The following TCF7 variants were observed in gnomAD, a reference collection of about 807,000 sequenced individuals.
TCF7 encodes the protein T-cell-factor-7.
Under a neutral mutation model 46.8 loss-of-function variants are expected in TCF7, and 19 were observed. The ratio of observed to expected loss-of-function variants is 0.41; its 90% CI spans 0.28 to 0.60. The LOEUF (loss-of-function observed/expected upper bound fraction) is 0.60. TCF7 is among the 20% of genes least tolerant of loss of function. The pLI, the probability that TCF7 is intolerant of heterozygous loss-of-function variation, is 0.35. For synonymous variants in TCF7, 245 were observed against 213.4 expected, an observed-to-expected ratio of 1.15 and a Z score of -1.29; for missense variants, 547 against 504.6, an observed-to-expected ratio of 1.08 and a Z score of -0.81.
In TCF7 at chr5:134,143,654, T is replaced by C. The variant is rs1580900069; in HGVS notation, c.1075+14T>C. 1.2e-6 allele frequency: 2 copies of C among 1,613,630 alleles called. No individual in the cohort carries two copies. The highest frequency in any genetic ancestry group is 1.7e-5 in the Admixed American group (1 of 59,986). The stretch of plus-strand genomic sequence containing the variant: ...AATCCACCACAGGTGAGACCTTCTC[T>C]CAGCAGCAGTGGAGGCTCCTCTCCA... On this transcript the variant is annotated intron_variant, in intron 9 of 9. Transcript: ENST00000342854.
the TCF7 span, among the ~76,000 whole-genome samples, chr5:134,109,635 T>C: frequency 6.6e-6 from 1 of 152,058 alleles, no homozygotes; most frequent in Non-Finnish European, 1.5e-5. Context: ...CCGAGCGTGG[T>C]GGCAGGTGCC....
At chr5:134,144,989 G>A in intron 9 of TCF7, 1 of 873,104 alleles carries the variant, frequency 1.1e-6, no homozygotes, top group African/African-American at 1.7e-5. Context: ...ATACTCAGCA[G>A]ATTGGGAGCC....
intron 9 of TCF7, chr5:134,144,218 G>A (rs533267599): frequency 1.1e-4 from 18 of 163,638 alleles, no homozygotes; most frequent in Admixed American, 1.7e-4. Context: ...CACCTCAGCC[G>A]TGCTGTCCCC....
intron 3 of TCF7, among the ~76,000 whole-genome samples, chr5:134,130,756 G>A (rs906470252): frequency 2.0e-5 from 3 of 152,136 alleles, no homozygotes; most frequent in Non-Finnish European, 2.9e-5. Context: ...GTGACCCTGT[G>A]CCCAGCCCCA....
At chr5:134,132,513 C>G (rs763224474) in intron 3 of TCF7, among the ~76,000 whole-genome samples, 5 of 152,356 alleles carry the variant, frequency 3.3e-5, no homozygotes, top group East Asian at 3.9e-4. Context: ...TCCCCTACCC[C>G]CCACAGGCTT....
Position 134,114,724 on chromosome 5 carries a change from G to C in TCF7, c.-183G>C, listed in dbSNP as rs897109738. Reference sequence around the variant, plus strand: ...TTGATGTTCCGACCCGCCAGCTCGCGGAGCCGCTCTGCCCCGCGCCCTAGC... The same window carrying C: ...TTGATGTTCCGACCCGCCAGCTCGCCGAGCCGCTCTGCCCCGCGCCCTAGC... On this transcript the variant is annotated 5_prime_UTR_variant, in exon 1 of 10. Transcript: ENST00000342854. 6.4e-6 allele frequency: 3 copies of C among 469,816 alleles called. No individual in the cohort carries two copies. The highest frequency in any genetic ancestry group is 4.3e-5 in the African/African-American group (2 of 46,128). 29.1% of individuals were successfully genotyped at this position (469,816 alleles called of 1,614,324 possible).
At chr5:134,116,204 A>C in intron 3 of TCF7, 171 bp downstream of exon 3, 1 of 1,389,072 alleles carries the variant, frequency 7.2e-7, no homozygotes, top group Non-Finnish European at 9.3e-7. Context: ...ACTTTGCTGA[A>C]GGAAGGAGGG....
At chr5:134,118,612 CA>C (rs1561651077) in intron 3 of TCF7, among the ~76,000 whole-genome samples, 1 of 151,822 alleles carries the variant, frequency 6.6e-6, no homozygotes, top group South Asian at 2.1e-4. Flanking sequence ...TTTTTTCTTC[CA>C]AAAAGGTTCC....
chr5:134,132,505 C>G (rs560273889), intron 3 of TCF7, among the ~76,000 whole-genome samples: 1 of 152,192 alleles, frequency 6.6e-6, no homozygotes, highest in Non-Finnish European at 1.5e-5. Flanking sequence ...CTCACCTATC[C>G]CCTACCCCCC....
At position 134,130,873 on chromosome 5, in the gene TCF7, C is replaced by T. The variant is rs1020676339; in HGVS notation, c.442-7186C>T. Among the ~76,000 whole-genome samples the T allele has an allele frequency of 2.6e-5, 4 of 152,190 alleles. No homozygotes were observed. In the South Asian group the frequency reaches 8.3e-4, roughly 31 times the overall value. Reference sequence around the variant, plus strand: ...CAACTTCAAGGGCCCAGCTCTAATACATTCAATATAAATAACTCAGGGCAA... The same window carrying T: ...CAACTTCAAGGGCCCAGCTCTAATATATTCAATATAAATAACTCAGGGCAA... On this transcript the variant is annotated intron_variant, in intron 3 of 9. Transcript: ENST00000342854.
Position 134,114,921 on chromosome 5 carries a change from C to A in TCF7, c.15C>A (p.Asp5Glu). MPQL[D>E]SGGGGAGGGD... is the part of the protein sequence containing the mutation. Reference sequence around the variant, plus strand: ...CGGAGCGCACCATGCCGCAGCTGGACTCCGGCGGGGGCGGCGCGGGCGGCG... The same window carrying A: ...CGGAGCGCACCATGCCGCAGCTGGAATCCGGCGGGGGCGGCGCGGGCGGCG... The change falls in exon 1 of 10, where the codon GAC becomes GAA. Residue 5 changes from aspartate to glutamate, a missense_variant. Around this residue, in one of 3 missense-constraint regions of TCF7, gnomAD observed 425 missense variants for 349.9 expected, o/e 1.21. Coordinates refer to ENST00000342854, the MANE Select transcript of TCF7 (RefSeq NM_003202.5). 1 of 1,055,020 alleles carries A rather than the reference C, an allele frequency of 9.5e-7. No homozygotes were observed. The highest frequency in any genetic ancestry group is 3.0e-5 in the South Asian group (1 of 33,086). 65.4% of individuals were successfully genotyped at this position (1,055,020 alleles called of 1,614,324 possible). A position where few individuals can be genotyped will look rare whatever the true frequency, so the allele number is the denominator to read the frequency against.
intron 9 of TCF7, 148 bp from the exon 10 acceptor site, chr5:134,146,076 C>T (rs936867352): frequency 1.9e-6 from 3 of 1,581,696 alleles, no homozygotes; most frequent in Non-Finnish European, 2.6e-6. Context: ...AGCAGAATGG[C>T]AGTCTGAGGA....
chr5:134,129,358 CCT>C (rs1352689876), intron 3 of TCF7, among the ~76,000 whole-genome samples: 1 of 152,206 alleles, frequency 6.6e-6, no homozygotes, highest in African/African-American at 2.4e-5. Context: ...TCCCCAGATC[CCT>C]GTTTTCCATT....
chr5:134,113,813 G>A (rs1755430773), upstream of TCF7, among the ~76,000 whole-genome samples: 1 of 152,254 alleles, frequency 6.6e-6, no homozygotes, highest in Admixed American at 6.5e-5. Flanking sequence ...GGGTTAGTCA[G>A]GCCAGGGTCA....
intron 3 of TCF7, among the ~76,000 whole-genome samples, chr5:134,130,279 G>A (rs1163615508): frequency 6.6e-6 from 1 of 152,248 alleles, no homozygotes; most frequent in Non-Finnish European, 1.5e-5. Context: ...TGTAGTCTGA[G>A]GGCTTGAGGG....
At chr5:134,136,724 A>G (rs543577602) in intron 3 of TCF7, among the ~76,000 whole-genome samples, 14 of 152,206 alleles carry the variant, frequency 9.2e-5, no homozygotes, top group Non-Finnish European at 1.6e-4. Context: ...TAAAGGGGCC[A>G]TGAACCCTAT....
At chr5:134,136,263 G>T (rs1758847495) in intron 3 of TCF7, among the ~76,000 whole-genome samples, 1 of 152,148 alleles carries the variant, frequency 6.6e-6, no homozygotes, top group Non-Finnish European at 1.5e-5. Flanking sequence ...CATGTGGCAG[G>T]TACCAGATAC....
rs1760771282 is a variant in TCF7, at chr5:134,146,802, A to G, written c.*499A>G. ...CTTTGTACCATCTGTCTTGCCAGCC[A>G]GAAGCCTCTGCCTCCCTAGCTTTTC... On this transcript the variant is annotated 3_prime_UTR_variant, in exon 10 of 10. Coordinates refer to ENST00000342854, the MANE Select transcript of TCF7 (RefSeq NM_003202.5). 8.4e-6 allele frequency: 4 copies of G among 475,582 alleles called. No individual in the cohort carries two copies. The highest frequency in any genetic ancestry group is 1.5e-5 in the Non-Finnish European group (4 of 268,428). The allele number at this position is 475,582 out of a possible 1,614,324, so 29.5% of individuals were successfully genotyped here.
At position 134,142,794 on chromosome 5, in the gene TCF7, A is replaced by C; in HGVS notation, c.829A>C (p.Met277Leu). 1.2e-6 allele frequency: 2 copies of C among 1,614,198 alleles called. No homozygotes were observed. Among genetic ancestry groups the C allele is most frequent in the Non-Finnish European group, 1.7e-6 (2 of 1,180,026 alleles). Residue 277 changes from methionine to leucine, a missense_variant, in exon 7 of 10, where the codon ATG becomes CTG. By Grantham distance (15) the Met-to-Leu change is conservative. Around this residue, in one of 3 missense-constraint regions of TCF7, gnomAD observed 32 missense variants for 65.9 expected, o/e 0.49. Coordinates refer to ENST00000342854, the MANE Select transcript of TCF7 (RefSeq NM_003202.5). ...CATCAAGAAGCCCCTCAATGCCTTC[A>C]TGCTGTACATGAAGGAGATGAGAGC... is the stretch of plus-strand genomic sequence containing the variant. ...PTIKKPLNAF[M>L]LYMKEMRAKV...
Sources: allele counts gnomAD v4.1 joint callset (sites outside exome capture counted in the v4.1 genomes callset), GRCh38; gene constraint gnomAD v4.1.1; regional missense constraint gnomAD v4.1.1; transcripts MANE v1.5; gene names NCBI Gene and HGNC (gene_info 2026-07-23, HGNC 2026-07-21).